SLC38A1: variants seen among roughly 807,000 people sequenced by gnomAD.
The protein encoded by SLC38A1 is sodium-coupled neutral amino acid symporter 1.
A neutral mutation model predicts 60.3 loss-of-function variants in SLC38A1; 18 were observed. The ratio of observed to expected loss-of-function variants is 0.30; its 90% CI spans 0.21 to 0.44. The LOEUF (loss-of-function observed/expected upper bound fraction) is 0.44. Among genes scored for constraint, SLC38A1 ranks in the 20% least tolerant of loss-of-function variants. SLC38A1 has a pLI of 1.00. For synonymous variants in SLC38A1, 196 were observed against 212.1 expected (o/e 0.92, Z 0.66); for missense variants, 448 against 587.2 (o/e 0.76, Z 2.45).
At chr12:46,228,840 T>C (rs1940963447) in intron 5 of SLC38A1, among the ~76,000 whole-genome samples, 1 of 152,186 alleles carries the variant, frequency 6.6e-6, no homozygotes, top group Admixed American at 6.5e-5. Context: ...CTTAATATTT[T>C]AACTGAGATT....
chr12:46,238,406 C>G (rs535083174), intron 3 of SLC38A1, among the ~76,000 whole-genome samples: 1 of 152,318 alleles, frequency 6.6e-6, no homozygotes, highest in Admixed American at 6.5e-5. Flanking sequence ...CTTTTAATCA[C>G]ATACTTTATC....
chr12:46,257,065 T>C (rs1440717854), intron 1 of SLC38A1, among the ~76,000 whole-genome samples: 1 of 152,160 alleles, frequency 6.6e-6, no homozygotes, highest in Non-Finnish European at 1.5e-5. Flanking sequence ...ACCCACCCAT[T>C]GCAGCACCAC....
chr12:46,242,915 C>G (rs1362356072), intron 2 of SLC38A1, among the ~76,000 whole-genome samples: 1 of 152,094 alleles, frequency 6.6e-6, no homozygotes, highest in South Asian at 2.1e-4. Context: ...TTCCTTTTCT[C>G]TTTTCCTTTC....
chr12:46,209,388 G>A (rs1940048905), intron 5 of SLC38A1, among the ~76,000 whole-genome samples: 1 of 152,266 alleles, frequency 6.6e-6, no homozygotes, highest in East Asian at 1.9e-4. Flanking sequence ...GGAGCATTTC[G>A]GTTGAGATGA....
intron 5 of SLC38A1, among the ~76,000 whole-genome samples, chr12:46,223,218 C>G (rs1329860391): frequency 6.6e-6 from 1 of 152,098 alleles, no homozygotes; most frequent in Non-Finnish European, 1.5e-5. Context: ...TGTGTGATCA[C>G]AGGTAAGTTA....
chr12:46,219,619 C>T (rs1460582228), intron 5 of SLC38A1, among the ~76,000 whole-genome samples: 1 of 152,168 alleles, frequency 6.6e-6, no homozygotes, highest in African/African-American at 2.4e-5. Context: ...TCTAATTAAA[C>T]CAACTACCAC....
chr12:46,229,373 T>C, intron 4 of SLC38A1, 105 bp from the exon 5 acceptor site: 1 of 856,556 alleles, frequency 1.2e-6, no homozygotes, highest in Non-Finnish European at 1.8e-6. Flanking sequence ...GAAGTAAAAT[T>C]CAAGAAAATC....
intron 5 of SLC38A1, among the ~76,000 whole-genome samples, chr12:46,220,279 C>G (rs1940606812): frequency 6.6e-6 from 1 of 152,218 alleles, no homozygotes; most frequent in Non-Finnish European, 1.5e-5. Flanking sequence ...TGTGCCATTT[C>G]TCCCTCTCCC....
chr12:46,249,382 A>G (rs1010309738), intron 1 of SLC38A1, among the ~76,000 whole-genome samples: 1 of 152,178 alleles, frequency 6.6e-6, no homozygotes, highest in African/African-American at 2.4e-5. Context: ...AAGAGAAAGC[A>G]GGAAAGAGCT....
intron 16 of SLC38A1, among the ~76,000 whole-genome samples, chr12:46,194,868 T>C (rs1939296294): frequency 6.6e-6 from 1 of 152,126 alleles, no homozygotes; most frequent in Non-Finnish European, 1.5e-5. Flanking sequence ...CTCTTTGCGA[T>C]GGGTTAGAAG....
At chr12:46,197,698 G>A in intron 16 of SLC38A1, 22 bp downstream of exon 16, 1 of 1,418,944 alleles carries the variant, frequency 7.0e-7, no homozygotes, top group Non-Finnish European at 9.8e-7. Context: ...AGAAAAGTTA[G>A]AGTGGCTGGC....
intron 5 of SLC38A1, among the ~76,000 whole-genome samples, chr12:46,219,590 G>A (rs1356553265): frequency 6.6e-6 from 1 of 152,072 alleles, no homozygotes; most frequent in East Asian, 1.9e-4. Flanking sequence ...AAACTAACTG[G>A]CCCACAAAGG....
chr12:46,202,967 G>A, intron 12 of SLC38A1, 43 bp downstream of exon 12: 1 of 1,441,356 alleles, frequency 6.9e-7, no homozygotes, highest in Admixed American at 1.7e-5. Context: ...ATTAATGAGG[G>A]GATGTAAAAC....
In SLC38A1 at chr12:46,264,256, A is replaced by C. The variant is rs1198201421; in HGVS notation, c.-209+4270T>G. On this transcript the variant is annotated intron_variant, in intron 1 of 16. Coordinates refer to ENST00000398637, the MANE Select transcript of SLC38A1 (RefSeq NM_030674.4). ...ACTTTCTCAGCTCTGCTCTCATTGTATCTTCACAACTCTGAGGTACGCAGC... is the reference window on the plus strand; with the variant it reads ...ACTTTCTCAGCTCTGCTCTCATTGTCTCTTCACAACTCTGAGGTACGCAGC... Among the ~76,000 whole-genome samples, 6 of 152,348 alleles carry C rather than the reference A, an allele frequency of 3.9e-5. No individual in the cohort carries two copies. The East Asian group carries it at 1.2e-3, about 29-fold the overall frequency.
At chr12:46,212,523 A>G (rs1940221244) in intron 5 of SLC38A1, among the ~76,000 whole-genome samples, 1 of 152,206 alleles carries the variant, frequency 6.6e-6, no homozygotes, top group Non-Finnish European at 1.5e-5. Context: ...TAGAGCATGT[A>G]ATTGTACATG....
chr12:46,256,636 C>CACAGAGAGAGAGAG (rs142176282), intron 1 of SLC38A1, among the ~76,000 whole-genome samples: 103 of 123,260 alleles, frequency 8.4e-4, no homozygotes, highest in Non-Finnish European at 9.7e-4. Context: ...CACACACACA[C>CACAGAGAGAGAGAG]AGAGAGAGAG....
At chr12:46,212,793 T>G (rs1940233226) in intron 5 of SLC38A1, among the ~76,000 whole-genome samples, 1 of 152,220 alleles carries the variant, frequency 6.6e-6, no homozygotes, top group East Asian at 1.9e-4. Flanking sequence ...CATCCAGGTC[T>G]GCAAAGTGTC....
chr12:46,253,608 T>C (rs2138764388), intron 1 of SLC38A1, among the ~76,000 whole-genome samples: 1 of 152,344 alleles, frequency 6.6e-6, no homozygotes, highest in Non-Finnish European at 1.5e-5. Context: ...CATTAAGGTC[T>C]TTATGACCTG....
At chr12:46,212,258 T>C (rs1165809994) in intron 5 of SLC38A1, among the ~76,000 whole-genome samples, 2 of 152,226 alleles carry the variant, frequency 1.3e-5, no homozygotes, top group Non-Finnish European at 2.9e-5. Flanking sequence ...TAATTATGGT[T>C]TCCTGGAAGA....
Sources: gnomAD v4.1 joint callset for allele counts (sites outside exome capture counted in the v4.1 genomes callset) on GRCh38, gnomAD v4.1.1 for gene constraint, MANE v1.5 for transcripts, NCBI Gene and HGNC (gene_info 2026-07-23, HGNC 2026-07-21) for gene names.